Variants in SHTN1 observed in about 807,000 individuals in gnomAD.
The protein encoded by SHTN1 is shootin-1.
A neutral mutation model predicts 83.1 loss-of-function variants in SHTN1; 42 were observed. The ratio of observed to expected loss-of-function variants is 0.51; its 90% CI spans 0.39 to 0.65. SHTN1 has a LOEUF of 0.65. Ranked by LOEUF, SHTN1 falls within the 30% of genes least tolerant of loss-of-function variation. The pLI, the probability that SHTN1 is intolerant of heterozygous loss-of-function variation, is 0.00. For synonymous variants in SHTN1, 224 were observed against 247.7 expected, an observed-to-expected ratio of 0.90 and a Z score of 0.90; for missense variants, 622 against 737.8, an observed-to-expected ratio of 0.84 and a Z score of 1.82.
At chr10:117,023,313 G>A (rs551404173) in intron 2 of SHTN1, among the ~76,000 whole-genome samples, 42 of 152,214 alleles carry the variant, frequency 2.8e-4, no homozygotes, top group African/African-American at 9.4e-4. Context: ...CATTCCCATG[G>A]TCCCAAATAA....
At chr10:117,086,305 A>C (rs1310989451) in intron 1 of SHTN1, among the ~76,000 whole-genome samples, 2 of 152,052 alleles carry the variant, frequency 1.3e-5, no homozygotes, top group Non-Finnish European at 2.9e-5. Flanking sequence ...TTTCTCCATC[A>C]CTTTACTTTT....
chr10:116,997,803 GGAGT>G (rs1851676197), intron 1 of SHTN1, among the ~76,000 whole-genome samples: 1 of 152,150 alleles, frequency 6.6e-6, no homozygotes, highest in African/African-American at 2.4e-5. Context: ...TAAGAATCAG[GGAGT>G]TAGGGCCAGG....
intron 16 of SHTN1, among the ~76,000 whole-genome samples, chr10:116,888,585 A>T (rs1847236333): frequency 6.6e-6 from 1 of 152,184 alleles, no homozygotes; most frequent in East Asian, 1.9e-4. Context: ...TGATGATGCA[A>T]GACAATCTGC....
intron 2 of SHTN1, among the ~76,000 whole-genome samples, chr10:117,033,585 G>A (rs1201958285): frequency 6.6e-6 from 1 of 152,118 alleles, no homozygotes. Flanking sequence ...CTTCACTGCT[G>A]AATTCTACAA....
intron 1 of SHTN1, among the ~76,000 whole-genome samples, chr10:117,066,047 A>AT (rs2133599701): frequency 6.6e-6 from 1 of 152,080 alleles, no homozygotes; most frequent in African/African-American, 2.4e-5. Flanking sequence ...CCTGGGCAAC[A>AT]TATCAAGACC....
chr10:117,092,881 A>G (rs928724520), intron 1 of SHTN1, among the ~76,000 whole-genome samples: 3 of 152,192 alleles, frequency 2.0e-5, no homozygotes, highest in Admixed American at 6.5e-5. Context: ...CTCATAGATA[A>G]GAAATGCCTG....
upstream of SHTN1, among the ~76,000 whole-genome samples, chr10:117,010,178 C>A: frequency 1.4e-5 from 1 of 73,520 alleles, no homozygotes; most frequent in East Asian, 4.9e-4. Context: ...AATCCTTTCC[C>A]TAAATTAACG....
intron 1 of SHTN1, among the ~76,000 whole-genome samples, chr10:116,993,017 CTTT>C (rs35364697): frequency 1.6e-5 from 2 of 121,224 alleles, no homozygotes; most frequent in African/African-American, 6.3e-5. Flanking sequence ...TCTTTTTTTT[CTTT>C]TTTTTTTTTT....
rs187306103 is a variant in SHTN1 at position 116,906,699 on chromosome 10, G to T, written c.1408C>A (p.Pro470Thr). 1.4e-4 allele frequency: 221 copies of T among 1,613,080 alleles called. 1 individual carries two copies. The Middle Eastern group carries it at 1.8e-3, about 13-fold the overall frequency. The change falls in exon 15 of 17, where the codon CCT (proline) becomes ACT (threonine). Residue 470 changes from proline to threonine, a missense_variant. Transcript: ENST00000355371. ...TSSRSLKSLD[P>T]ENSETELERI... ...TCTAACTCAGTTTCACTGTTTTCAG[G>T]GTCAAGGGATTTTAAGCTTCTTGAA...
intron 5 of SHTN1, among the ~76,000 whole-genome samples, chr10:116,953,679 G>T (rs1428037344): frequency 6.8e-6 from 1 of 147,926 alleles, no homozygotes; most frequent in Non-Finnish European, 1.5e-5. Flanking sequence ...TCAGGCTGGA[G>T]TGCAACGGCG....
At position 117,084,792 on chromosome 10, in the gene SHTN1, C is replaced by T. The variant is rs550964981; in HGVS notation, c.-188-36282G>A. On this transcript the variant is annotated intron_variant, in intron 1 of 17. Transcript: ENST00000392901. ...GCGCAGTATTTGGGTGGGAGTGACC[C>T]GATTTTCCAGGTGCCGTCCGTCACC... 7.4e-4 allele frequency among the ~76,000 whole-genome samples: 112 copies of T among 152,206 alleles called. 2 individuals are homozygous for T. In the South Asian group the frequency reaches 0.022, roughly 30 times the overall value.
intron 2 of SHTN1, among the ~76,000 whole-genome samples, chr10:117,034,230 G>GA: frequency 6.6e-6 from 1 of 152,148 alleles, no homozygotes; most frequent in East Asian, 1.9e-4. Context: ...AACTGGAAAG[G>GA]AAGAAGTCAA....
At chr10:116,926,354 T>C (rs918830491) in intron 11 of SHTN1, among the ~76,000 whole-genome samples, 1 of 152,204 alleles carries the variant, frequency 6.6e-6, no homozygotes, top group Non-Finnish European at 1.5e-5. Flanking sequence ...TAGAGAAAGA[T>C]CAAAGTGATG....
At chr10:117,101,259 A>G (rs1310942063) in intron 1 of SHTN1, among the ~76,000 whole-genome samples, 1 of 152,198 alleles carries the variant, frequency 6.6e-6, no homozygotes, top group Non-Finnish European at 1.5e-5. Flanking sequence ...GGTCTTCTCC[A>G]AGCTTTGATC....
chr10:117,065,856 A>AAGGAAGGAACGGAG (rs1564947544), intron 1 of SHTN1, among the ~76,000 whole-genome samples: 4 of 37,066 alleles, frequency 1.1e-4, no homozygotes, highest in African/African-American at 4.0e-4. Flanking sequence ...AAGGAAGGAA[A>AAGGAAGGAACGGAG]GGAGGGAGGG....
At chr10:116,904,631 A>G (rs1003333079) in intron 15 of SHTN1, among the ~76,000 whole-genome samples, 11 of 152,188 alleles carry the variant, frequency 7.2e-5, no homozygotes, top group Non-Finnish European at 1.5e-4. Flanking sequence ...ATATTTGTAT[A>G]TTGGTGGAAT....
Position 116,982,804 on chromosome 10 carries a change from C to CA in SHTN1, c.59-3497dup, listed in dbSNP as rs892701024. On this transcript the variant is annotated intron_variant, in intron 1 of 16. Transcript: ENST00000355371. ...TGAAACCGCATCTCTTCTAAAAATACAAAAAAAATTAGCCAGGTATGGCAG... is the reference window on the plus strand; with the variant it reads ...TGAAACCGCATCTCTTCTAAAAATACAAAAAAAAATTAGCCAGGTATGGCAG... Among the ~76,000 whole-genome samples the CA allele has an allele frequency of 5.3e-5, 8 of 151,690 alleles. No homozygotes were observed. The South Asian group carries it at 1.5e-3, about 28-fold the overall frequency.
At chr10:117,089,931 T>C (rs917705669) in intron 1 of SHTN1, among the ~76,000 whole-genome samples, 1 of 152,022 alleles carries the variant, frequency 6.6e-6, no homozygotes, top group Non-Finnish European at 1.5e-5. Context: ...AAACAACATA[T>C]GTTGGTGAGG....
intron 12 of SHTN1, among the ~76,000 whole-genome samples, chr10:116,918,061 T>G (rs572431783): frequency 1.3e-5 from 2 of 152,182 alleles, no homozygotes; most frequent in African/African-American, 2.4e-5. Flanking sequence ...ATGGTATGTT[T>G]TGTAATTCTT....
Sources: allele counts gnomAD v4.1 joint callset (sites outside exome capture counted in the v4.1 genomes callset), GRCh38; gene constraint gnomAD v4.1.1; transcripts MANE v1.5; gene names NCBI Gene and HGNC (gene_info 2026-07-23, HGNC 2026-07-21).